The following OGG1 variants were observed in gnomAD, a reference collection of about 807,000 sequenced individuals.
OGG1 encodes the protein 8-oxoguanine DNA glycosylase.
OGG1 carries 35 observed loss-of-function variants against 42.3 expected under a neutral mutation model. The observed-to-expected ratio is 0.83, with a 90% CI of 0.63 to 1.10. The LOEUF (loss-of-function observed/expected upper bound fraction) is 1.10. OGG1 is among the 50% of genes least tolerant of loss of function. The probability of loss-of-function intolerance (pLI) is 0.00; values close to 1 mark genes in which losing one functional copy is unlikely to be tolerated. For synonymous variants in OGG1, 189 were observed against 179.0 expected (o/e 1.06, Z -0.44); for missense variants, 484 against 446.7 (o/e 1.08, Z -0.75).
At chr3:9,755,389 C>T (rs1364193955) in intron 4 of OGG1, among the ~76,000 whole-genome samples, 1 of 151,110 alleles carries the variant, frequency 6.6e-6, no homozygotes, top group East Asian at 2.0e-4. Flanking sequence ...CGTAAAATGA[C>T]ATGTACTGAC....
In OGG1 at chr3:9,751,007, C is replaced by T; in HGVS notation, c.200C>T (p.Thr67Ile). 6.2e-7 allele frequency: 1 copy of T among 1,614,048 alleles called. No individual in the cohort carries two copies. Among genetic ancestry groups the T allele is most frequent in the Non-Finnish European group, 8.5e-7 (1 of 1,179,962 alleles). Reference sequence around the variant, plus strand: ...CTAGCGGATCAAGTATGGACACTGACTCAGACTGAGGAGCAGCTCCACTGC... The same window carrying T: ...CTAGCGGATCAAGTATGGACACTGATTCAGACTGAGGAGCAGCTCCACTGC... ...GVLADQVWTLTQTEEQLHCTV... is the reference protein window; with the variant it reads ...GVLADQVWTLIQTEEQLHCTV... Residue 67 changes from threonine (T) to isoleucine (I), a missense_variant, in exon 2 of 7, where the codon ACT (threonine) becomes ATT (isoleucine). Thr to Ile is a moderately conservative substitution (Grantham distance 89). Coordinates refer to ENST00000344629, the MANE Select transcript of OGG1 (RefSeq NM_002542.6).
chr3:9,783,429 C>T (rs1276553902), intron 3 of OGG1: 3 of 151,806 alleles, frequency 2.0e-5, no homozygotes, highest in Non-Finnish European at 4.4e-5. Context: ...AACTGATTCT[C>T]CTGCCTCAGC....
chr3:9,762,137 G>A (rs1487027421), downstream of OGG1: 2 of 178,722 alleles, frequency 1.1e-5, no homozygotes, highest in African/African-American at 4.8e-5. Context: ...GAGGCAAAGT[G>A]ACTCACCCAA....
At chr3:9,761,343 G>T (rs11715850), downstream of OGG1, 1,553 of 1,008,040 alleles carry the variant, frequency 1.5e-3, 1 homozygote, top group Non-Finnish European at 1.8e-3. Context: ...TTGATTGGTG[G>T]AAGGAAGGGA....
At chr3:9,758,180 G>C (rs1229692082), downstream of OGG1, 1 of 188,946 alleles carries the variant, frequency 5.3e-6, no homozygotes, top group African/African-American at 2.4e-5. Flanking sequence ...CTTCATGAAA[G>C]TCTTTGAGGT....
At chr3:9,787,690 G>A in intron 3 of OGG1, 1 of 1,332,724 alleles carries the variant, frequency 7.5e-7, no homozygotes, top group South Asian at 1.2e-5. Context: ...CTTTTGTATT[G>A]CTTGAATTTA....
intron 4 of OGG1, among the ~76,000 whole-genome samples, chr3:9,755,360 G>A (rs1470522949): frequency 2.0e-5 from 3 of 150,756 alleles, no homozygotes; most frequent in African/African-American, 4.9e-5. Context: ...CACTGCTCCC[G>A]GCCACATTTT....
chr3:9,766,427 C>G, exon 8 of OGG1: 1 of 456,030 alleles, frequency 2.2e-6, no homozygotes, highest in Non-Finnish European at 4.1e-6. Flanking sequence ...CCATCAGCAT[C>G]ACCCGGGAAC....
At chr3:9,790,382 G>A (rs749557833), downstream of OGG1, among the ~76,000 whole-genome samples, 4 of 152,160 alleles carry the variant, frequency 2.6e-5, no homozygotes, top group Non-Finnish European at 5.9e-5. Context: ...GATTCCCAGG[G>A]ACAAGTTAAT....
Position 9,750,016 on chromosome 3 carries a change from G to A in OGG1, c.-271G>A, listed in dbSNP as rs984301926. Reference sequence around the variant, plus strand: ...ACAGCTGTGCGCGCCCACAGGCTCTGGGGGCGGGAGAAGATAAGTCGCAAG... The same window carrying A: ...ACAGCTGTGCGCGCCCACAGGCTCTAGGGGCGGGAGAAGATAAGTCGCAAG... On this transcript the variant is annotated 5_prime_UTR_variant, in exon 1 of 7. Transcript: ENST00000344629. 1.9e-6 allele frequency: 1 copy of A among 523,216 alleles called. No homozygotes were observed. Among genetic ancestry groups the A allele is most frequent in the African/African-American group, 1.9e-5 (1 of 52,692 alleles). 32.4% of individuals were successfully genotyped at this position (523,216 alleles called of 1,614,324 possible).
chr3:9,750,883 G>A (rs983955012), intron 1 of OGG1, 62 bp from the exon 2 acceptor site: 22 of 1,604,750 alleles, frequency 1.4e-5, no homozygotes, highest in Admixed American at 8.4e-5. Context: ...AGGATAGGAG[G>A]GACCCCAAAG....
At position 9,756,551 on chromosome 3, in the gene OGG1, A is replaced by C; in HGVS notation, c.828A>C (p.Gln276His). 1 of 1,614,198 alleles carries C rather than the reference A, an allele frequency of 6.2e-7. No homozygotes were observed. Among genetic ancestry groups the C allele is most frequent in the Non-Finnish European group, 8.5e-7 (1 of 1,180,032 alleles). Residue 276 changes from glutamine (Q) to histidine (H), a missense_variant, in exon 5 of 7, where the codon CAA (glutamine) becomes CAC (histidine). By Grantham distance (24) the Gln-to-His change is conservative. Coordinates refer to ENST00000344629, the MANE Select transcript of OGG1 (RefSeq NM_002542.6). Reference sequence around the variant, plus strand: ...ATGTCCATATGTGGCACATTGCCCAACGTGACTACAGCTGGCACCCTACCA... The same window carrying C: ...ATGTCCATATGTGGCACATTGCCCACCGTGACTACAGCTGGCACCCTACCA... ...PVDVHMWHIA[Q>H]RDYSWHPTTS...
At chr3:9,774,645 G>C (rs1047208898) in intron 2 of OGG1, among the ~76,000 whole-genome samples, 1 of 152,028 alleles carries the variant, frequency 6.6e-6, no homozygotes, top group Non-Finnish European at 1.5e-5. Flanking sequence ...ATAAAACACA[G>C]TAAACACAGG....
chr3:9,762,672 T>A (rs1204747774), intron 7 of OGG1, among the ~76,000 whole-genome samples: 2 of 152,196 alleles, frequency 1.3e-5, no homozygotes, highest in East Asian at 3.8e-4. Context: ...GCCAGATTTT[T>A]TTTTTTTTAA....
At chr3:9,752,944 A>T (rs2077370785) in intron 3 of OGG1, among the ~76,000 whole-genome samples, 1 of 152,148 alleles carries the variant, frequency 6.6e-6, no homozygotes, top group Admixed American at 6.5e-5. Context: ...GCTACTCCGG[A>T]GGGTGAGGCA....
downstream of OGG1, chr3:9,789,896 A>C (rs1011618269): frequency 1.9e-6 from 3 of 1,614,164 alleles, no homozygotes. Flanking sequence ...GGGAGCTCCA[A>C]GTTCATGGTC....
chr3:9,751,599 A>G (rs554527081), intron 2 of OGG1, among the ~76,000 whole-genome samples, 171 bp from the exon 3 acceptor site: 6 of 152,270 alleles, frequency 3.9e-5, no homozygotes, highest in Admixed American at 2.6e-4. Flanking sequence ...CTCAGCCCTC[A>G]CAAGATGCTA....
chr3:9,764,665 G>A (rs1308313981), intron 7 of OGG1, among the ~76,000 whole-genome samples: 1 of 90,976 alleles, frequency 1.1e-5, no homozygotes, highest in African/African-American at 4.2e-5. Context: ...TTTTGCTCTT[G>A]TTGCCTAGGC....
chr3:9,768,961 TCACAGATCCA>T (rs1197564032), downstream of OGG1, among the ~76,000 whole-genome samples: 1 of 149,300 alleles, frequency 6.7e-6, no homozygotes, highest in Non-Finnish European at 1.5e-5. Context: ...AATACAACCC[TCACAGATCCA>T]CACACATCCC....
Sources: gnomAD v4.1 joint callset for allele counts (sites outside exome capture counted in the v4.1 genomes callset) on GRCh38, gnomAD v4.1.1 for gene constraint, MANE v1.5 for transcripts, NCBI Gene and HGNC (gene_info 2026-07-23, HGNC 2026-07-21) for gene names.